ATXN1: variants seen among roughly 807,000 people sequenced by gnomAD.
The protein encoded by ATXN1 is ataxin-1.
A neutral mutation model predicts 56.4 loss-of-function variants in ATXN1; 8 were observed. The ratio of observed to expected loss-of-function variants is 0.14; its 90% CI spans 0.08 to 0.26. The LOEUF is 0.26. ATXN1 is among the 10% of genes least tolerant of loss of function. The pLI, the probability that ATXN1 is intolerant of heterozygous loss-of-function variation, is 1.00. For missense variants in ATXN1, 987 were observed against 1,106.5 expected (o/e 0.89, Z 1.53); for synonymous variants, 514 against 494.6 (o/e 1.04, Z -0.52).
intron 4 of ATXN1, among the ~76,000 whole-genome samples, chr6:16,543,916 G>A (rs907854532): frequency 2.0e-5 from 3 of 152,142 alleles, no homozygotes; most frequent in African/African-American, 4.8e-5. Context: ...CTAAAGACTC[G>A]ATTGCAGCAT....
intron 2 of ATXN1, among the ~76,000 whole-genome samples, chr6:16,726,662 C>T (rs1759857214): frequency 6.6e-6 from 1 of 151,926 alleles, no homozygotes. Context: ...GTCAGGAGTT[C>T]AAGACTAGCC....
intron 3 of ATXN1, among the ~76,000 whole-genome samples, chr6:16,599,233 A>G (rs887257586): frequency 9.2e-5 from 14 of 152,212 alleles, no homozygotes; most frequent in African/African-American, 3.4e-4. Context: ...CTTCCAAGGT[A>G]TGAACCAAGA....
At chr6:16,344,001 A>G (rs1761317515) in intron 6 of ATXN1, among the ~76,000 whole-genome samples, 1 of 152,114 alleles carries the variant, frequency 6.6e-6, no homozygotes, top group African/African-American at 2.4e-5. Flanking sequence ...CTTATACTCG[A>G]GCGTGCGCAT....
At chr6:16,714,189 AC>A (rs1759590937) in intron 2 of ATXN1, among the ~76,000 whole-genome samples, 4 of 78,098 alleles carry the variant, frequency 5.1e-5, no homozygotes, top group African/African-American at 1.9e-4. Context: ...CACCACACAC[AC>A]ACACACACAC....
chr6:16,579,311 C>G (rs1016971044), intron 4 of ATXN1, among the ~76,000 whole-genome samples: 1 of 152,152 alleles, frequency 6.6e-6, no homozygotes, highest in African/African-American at 2.4e-5. Flanking sequence ...AAAACAGAAA[C>G]AGTGACCGCT....
At chr6:16,666,158 T>C (rs1758419938) in intron 2 of ATXN1, among the ~76,000 whole-genome samples, 1 of 152,204 alleles carries the variant, frequency 6.6e-6, no homozygotes, top group South Asian at 2.1e-4. Flanking sequence ...CTTTCCATCC[T>C]CTGCTAACCA....
intron 2 of ATXN1, among the ~76,000 whole-genome samples, chr6:16,718,279 T>C (rs1247197514): frequency 2.6e-5 from 4 of 152,222 alleles, no homozygotes; most frequent in South Asian, 2.1e-4. Context: ...ATAATATGCA[T>C]GGGGCAAAAT....
chr6:16,644,895 A>C (rs1763775132), intron 3 of ATXN1, among the ~76,000 whole-genome samples: 1 of 152,238 alleles, frequency 6.6e-6, no homozygotes, highest in East Asian at 1.9e-4. Context: ...TGCATCAAGC[A>C]GACTTGATAT....
intron 5 of ATXN1, among the ~76,000 whole-genome samples, chr6:16,507,425 A>G (rs1477507400): frequency 6.6e-6 from 1 of 152,218 alleles, no homozygotes; most frequent in Non-Finnish European, 1.5e-5. Context: ...AATACGCCAG[A>G]CAAGTATTTT....
chr6:16,702,503 A>C (rs1189796527), intron 2 of ATXN1, among the ~76,000 whole-genome samples: 1 of 152,240 alleles, frequency 6.6e-6, no homozygotes, highest in Non-Finnish European at 1.5e-5. Context: ...ATTAAACTAA[A>C]GAGCTTCTGC....
intron 2 of ATXN1, among the ~76,000 whole-genome samples, chr6:16,701,937 C>T (rs1759293495): frequency 6.6e-6 from 1 of 152,138 alleles, no homozygotes; most frequent in Non-Finnish European, 1.5e-5. Context: ...TCAATGCCAT[C>T]CCCATCAAGC....
intron 3 of ATXN1, among the ~76,000 whole-genome samples, chr6:16,639,173 C>A (rs1763657176): frequency 6.6e-6 from 1 of 152,204 alleles, no homozygotes; most frequent in Non-Finnish European, 1.5e-5. Flanking sequence ...TAAAAGCTGG[C>A]CACGCCAGCC....
At chr6:16,401,176 C>G (rs1321319424) in intron 6 of ATXN1, among the ~76,000 whole-genome samples, 1 of 152,208 alleles carries the variant, frequency 6.6e-6, no homozygotes, top group African/African-American at 2.4e-5. Flanking sequence ...ATGGGAGGGG[C>G]TTGCTTAGGC....
intron 4 of ATXN1, among the ~76,000 whole-genome samples, chr6:16,551,916 C>CA (rs1485352525): frequency 6.6e-6 from 1 of 152,004 alleles, no homozygotes; most frequent in Non-Finnish European, 1.5e-5. Context: ...AGAGGAAGAG[C>CA]AAAAAGAGGA....
intron 3 of ATXN1, among the ~76,000 whole-genome samples, chr6:16,619,954 C>A (rs1763288495): frequency 6.6e-6 from 1 of 151,844 alleles, no homozygotes; most frequent in Non-Finnish European, 1.5e-5. Flanking sequence ...AGTTGCTTAT[C>A]CTCTCTGAGC....
intron 3 of ATXN1, among the ~76,000 whole-genome samples, chr6:16,599,365 T>C (rs760884): frequency 0.62 from 94,806 of 151,848 alleles, 30,620 homozygotes; most frequent in Admixed American, 0.75. Context: ...AGGCCGCTAC[T>C]AAGAAGATAA....
chr6:16,414,496 G>A (rs1268989157), intron 6 of ATXN1, among the ~76,000 whole-genome samples: 1 of 152,142 alleles, frequency 6.6e-6, no homozygotes, highest in Non-Finnish European at 1.5e-5. Flanking sequence ...AGAGTGTGAC[G>A]CCCACGACAC....
At chr6:16,665,664 A>G (rs914172492) in intron 2 of ATXN1, among the ~76,000 whole-genome samples, 5 of 152,152 alleles carry the variant, frequency 3.3e-5, no homozygotes, top group Non-Finnish European at 7.4e-5. Context: ...CTCAATTTCC[A>G]TAATTCCCAC....
At chr6:16,409,295 T>TAAAA (rs367909909) in intron 6 of ATXN1, among the ~76,000 whole-genome samples, 1 of 143,244 alleles carries the variant, frequency 7.0e-6, no homozygotes, top group Non-Finnish European at 1.5e-5. Flanking sequence ...TTTATGAAAC[T>TAAAA]AAAAAAAAAA....
Sources: gnomAD v4.1 joint callset for allele counts (sites outside exome capture counted in the v4.1 genomes callset) on GRCh38, gnomAD v4.1.1 for gene constraint, MANE v1.5 for transcripts, NCBI Gene and HGNC (gene_info 2026-07-23, HGNC 2026-07-21) for gene names.